The following POM121 variants were observed in gnomAD, a reference collection of about 807,000 sequenced individuals.
The protein encoded by POM121 is POM121 transmembrane nucleoporin.
Under a neutral mutation model 81.3 loss-of-function variants are expected in POM121, and 32 were observed. That is an observed-to-expected ratio of 0.39 (90% confidence interval 0.30 to 0.53). The LOEUF (loss-of-function observed/expected upper bound fraction) is 0.53, where lower values mean the gene tolerates loss of function less well. POM121 is among the 20% of genes least tolerant of loss of function. The probability of loss-of-function intolerance (pLI) is 0.66; values close to 1 mark genes in which losing one functional copy is unlikely to be tolerated. For synonymous variants in POM121, 514 were observed against 694.2 expected (o/e 0.74, Z 4.08); for missense variants, 1,138 against 1,614.6 (o/e 0.70, Z 5.06).
intron 5 of POM121, among the ~76,000 whole-genome samples, chr7:72,936,573 A>T (rs1258237527): frequency 2.6e-5 from 4 of 151,908 alleles, no homozygotes; most frequent in Non-Finnish European, 5.9e-5. Flanking sequence ...CACCGTGCCC[A>T]GCTTGTTTTT....
Position 72,948,240 on chromosome 7 carries a change from T to C in POM121, c.*2006T>C, listed in dbSNP as rs1183096773. ...TTGAGTCTAGTTGGAATTTTTAGTATGAATGTGAGATTTTTCTCCTGCTTG... is the reference window on the plus strand; with the variant it reads ...TTGAGTCTAGTTGGAATTTTTAGTACGAATGTGAGATTTTTCTCCTGCTTG... On this transcript the variant is annotated 3_prime_UTR_variant, in exon 13 of 13. Coordinates refer to ENST00000434423, the MANE Select transcript of POM121 (RefSeq NM_001387691.1). 8 of 1,453,928 alleles carry C rather than the reference T, an allele frequency of 5.5e-6. No homozygotes were observed. In the East Asian group the frequency reaches 7.4e-5, roughly 14 times the overall value. The allele number at this position is 1,453,928 out of a possible 1,614,324, so 90.1% of individuals were successfully genotyped here. A position where few individuals can be genotyped will look rare whatever the true frequency, so the allele number is the denominator to read the frequency against.
chr7:72,925,898 C>T, intron 1 of POM121, 133 bp downstream of exon 1: 1 of 1,153,312 alleles, frequency 8.7e-7, no homozygotes, highest in Non-Finnish European at 1.2e-6. Flanking sequence ...TCCTTAACAC[C>T]TTGGTGTGTG....
At position 72,925,146 on chromosome 7, in the gene POM121, G is replaced by A. The variant is rs1231673811; in HGVS notation, c.25G>A (p.Gly9Arg). The A allele has an allele frequency of 1.4e-6, 2 of 1,453,670 alleles. No individual in the cohort carries two copies. Among genetic ancestry groups the A allele is most frequent in the East Asian group, 2.9e-5 (1 of 34,610 alleles). The allele number at this position is 1,453,670 out of a possible 1,614,324, so 90.0% of individuals were successfully genotyped here. Residue 9 changes from glycine (G) to arginine (R), a missense_variant, in exon 1 of 13, where the codon GGA (glycine) becomes AGA (arginine). Around this residue, in one of 7 missense-constraint regions of POM121, gnomAD observed 646 missense variants for 633.5 expected, o/e 1.02. Coordinates refer to ENST00000434423, the MANE Select transcript of POM121 (RefSeq NM_001387691.1). ...GATGTCTCCGGCGGCTGCGGCGGCT[G>A]GAGCAGGCGAGCGGCGGCGGCCCAT... MSPAAAAA[G>R]AGERRRPIAS...
Position 72,943,361 on chromosome 7 carries a change from C to A in POM121, c.3368C>A (p.Thr1123Asn), listed in dbSNP as rs1554502381. 1 of 1,612,988 alleles carries A rather than the reference C, an allele frequency of 6.2e-7. No homozygotes were observed. The highest frequency in any genetic ancestry group is 1.7e-5 in the Admixed American group (1 of 59,964). Reference protein sequence around the residue: ...INVATPGSSTTTGAFSFGAGQ... With the variant: ...INVATPGSSTNTGAFSFGAGQ... ...GTGGCCACCCCAGGCTCCAGCACCA[C>A]CACCGGAGCTTTCAGCTTTGGAGCA... The change falls in exon 11 of 13, where the codon ACC becomes AAC. Residue 1123 changes from threonine (T) to asparagine (N), a missense_variant. Around this residue, in one of 7 missense-constraint regions of POM121, gnomAD observed 336 missense variants for 344.3 expected, o/e 0.98. Transcript: ENST00000434423.
intron 11 of POM121, among the ~76,000 whole-genome samples, chr7:72,945,169 C>T (rs1414095718): frequency 1.3e-5 from 2 of 152,096 alleles, no homozygotes; most frequent in Admixed American, 6.5e-5. Flanking sequence ...GAGGGGACCA[C>T]GGGGCATCAC....
At position 72,925,690 on chromosome 7, in the gene POM121, C is replaced by G. The variant is rs1230205199; in HGVS notation, c.569C>G (p.Pro190Arg). ...CCGCGCTCCCCCCCGCCCTCCCCGC[C>G]GACCCATCGCGCTCACCACGTTTAC... The part of the protein sequence containing the change: ...PPPRSPPPSP[P>R]THRAHHVYPS... Residue 190 changes from proline (P) to arginine (R), a missense_variant, in exon 1 of 13, where the codon CCG becomes CGG. Physicochemically the swap from Pro to Arg is moderately radical, Grantham distance 103. This residue lies in a region of POM121 where 646 missense variants were observed against 633.5 expected (regional missense o/e 1.02). Transcript: ENST00000434423. 1.0e-5 allele frequency: 13 copies of G among 1,282,036 alleles called. No homozygotes were observed. In the Admixed American group the frequency reaches 1.1e-4, roughly 10 times the overall value. The allele number at this position is 1,282,036 out of a possible 1,614,324, so 79.4% of individuals were successfully genotyped here. A position where few individuals can be genotyped will look rare whatever the true frequency, so the allele number is the denominator to read the frequency against.
At chr7:72,949,439 G>A, downstream of POM121, 1 of 1,574,668 alleles carries the variant, frequency 6.4e-7, no homozygotes. Flanking sequence ...CAGGCCAGCA[G>A]CGTGGCCATG....
chr7:72,892,770 A>G (rs558308052), intron 3 of POM121, among the ~76,000 whole-genome samples: 5 of 151,866 alleles, frequency 3.3e-5, no homozygotes, highest in African/African-American at 9.7e-5. Context: ...GGTTCAAGCG[A>G]TTCTCCTGCC....
intron 4 of POM121, among the ~76,000 whole-genome samples, chr7:72,918,900 C>A (rs577564891): frequency 1.3e-5 from 2 of 152,054 alleles, no homozygotes; most frequent in Admixed American, 6.6e-5. Context: ...CGGGTTCAAG[C>A]GATTCTCCTG....
upstream of POM121, among the ~76,000 whole-genome samples, chr7:72,922,563 T>G (rs566212717): frequency 4.8e-3 from 726 of 151,882 alleles, 3 homozygotes; most frequent in Admixed American, 9.6e-3. Context: ...TGTGTTTTTT[T>G]TTTTTTTATC....
intron 4 of POM121, among the ~76,000 whole-genome samples, chr7:72,915,207 C>T (rs377104500): frequency 2.6e-5 from 4 of 152,176 alleles, no homozygotes; most frequent in Non-Finnish European, 5.9e-5. Context: ...AGATGAGCTT[C>T]GGCTGCCCTC....
chr7:72,942,920 A>G lies in POM121; in HGVS notation c.2927A>G (p.Glu976Gly), dbSNP rs782300177. 683 of 1,602,154 alleles carry G rather than the reference A, an allele frequency of 4.3e-4. 2 individuals carry two copies. The highest frequency in any genetic ancestry group is 5.4e-4 in the Non-Finnish European group (633 of 1,174,756). ...ANPQPAFGAA[E>G]GQPPGAAKPA... ...CCCCAGCCCGCATTTGGGGCCGCTG[A>G]GGGGCAGCCACCGGGGGCCGCCAAG... Residue 976 changes from glutamate (E) to glycine (G), a missense_variant, in exon 11 of 13, where the codon GAG becomes GGG. This residue lies in a region of POM121 where 45 missense variants were observed against 75.7 expected (regional missense o/e 0.59). Transcript: ENST00000434423.
chr7:72,934,918 CT>C (rs1421968455), intron 5 of POM121, among the ~76,000 whole-genome samples: 22 of 152,124 alleles, frequency 1.4e-4, no homozygotes, highest in Admixed American at 5.9e-4. Context: ...TGTTTTACCC[CT>C]AGCCTTATAC....
At chr7:72,889,508 TTC>T (rs1791089011) in intron 1 of POM121, among the ~76,000 whole-genome samples, 1 of 150,278 alleles carries the variant, frequency 6.7e-6, no homozygotes, top group Non-Finnish European at 1.5e-5. Flanking sequence ...CTTTGCATTT[TTC>T]TTTTTTTTTT....
chr7:72,893,724 G>A (rs1313295073), intron 3 of POM121, among the ~76,000 whole-genome samples: 1 of 152,144 alleles, frequency 6.6e-6, no homozygotes, highest in African/African-American at 2.4e-5. Context: ...GTGACAGCAC[G>A]TAGTAGGTGT....
intron 4 of POM121, among the ~76,000 whole-genome samples, chr7:72,928,881 G>T (rs556765192): frequency 6.6e-6 from 1 of 152,162 alleles, no homozygotes; most frequent in South Asian, 2.1e-4. Flanking sequence ...GATACCTTAG[G>T]TACCTCATCT....
At chr7:72,920,487 T>G (rs1794708705), upstream of POM121, among the ~76,000 whole-genome samples, 1 of 151,596 alleles carries the variant, frequency 6.6e-6, no homozygotes, top group Non-Finnish European at 1.5e-5. Flanking sequence ...TAGCTGGGAC[T>G]ACAGGCACCA....
chr7:72,920,623 G>C (rs1384398594), upstream of POM121, among the ~76,000 whole-genome samples: 3 of 151,920 alleles, frequency 2.0e-5, no homozygotes, highest in Non-Finnish European at 1.5e-5. Context: ...CAAAGTGCTG[G>C]GATTACAGGC....
intron 3 of POM121, among the ~76,000 whole-genome samples, chr7:72,909,460 T>G (rs1168546433): frequency 1.3e-5 from 2 of 152,270 alleles, no homozygotes; most frequent in East Asian, 3.9e-4. Flanking sequence ...ACACTTTGAG[T>G]GTTATGTTAT....
Sources: allele counts gnomAD v4.1 joint callset (sites outside exome capture counted in the v4.1 genomes callset), GRCh38; gene constraint gnomAD v4.1.1; regional missense constraint gnomAD v4.1.1; transcripts MANE v1.5; gene names NCBI Gene and HGNC (gene_info 2026-07-23, HGNC 2026-07-21).